The following RORA variants were observed in gnomAD, a reference collection of about 807,000 sequenced individuals.
RORA encodes RAR related orphan receptor A.
In RORA, 7 loss-of-function variants were observed where a neutral mutation model predicts 69.5. That is an observed-to-expected ratio of 0.10 (90% CI 0.06 to 0.19). The LOEUF (loss-of-function observed/expected upper bound fraction) is 0.19. Among genes scored for constraint, RORA ranks in the 10% least tolerant of loss-of-function variants. The probability of loss-of-function intolerance (pLI) is 1.00; values close to 1 mark genes in which losing one functional copy is unlikely to be tolerated. For missense variants in RORA, 457 were observed against 663.0 expected (o/e 0.69, Z 3.41); for synonymous variants, 261 against 240.8 (o/e 1.08, Z -0.78).
chr15:61,049,863 G>A (rs552498683), intron 1 of RORA, among the ~76,000 whole-genome samples: 1 of 152,252 alleles, frequency 6.6e-6, no homozygotes, highest in African/African-American at 2.4e-5. Flanking sequence ...GTTTCACTGT[G>A]TTAGCCAGAA....
At chr15:60,612,783 T>C (rs775460070) in intron 2 of RORA, among the ~76,000 whole-genome samples, 1 of 151,228 alleles carries the variant, frequency 6.6e-6, no homozygotes, top group African/African-American at 2.4e-5. Flanking sequence ...TAATTTTGAC[T>C]AAGTTAAAAA....
At chr15:60,914,431 T>C (rs1891812641) in intron 1 of RORA, among the ~76,000 whole-genome samples, 1 of 152,202 alleles carries the variant, frequency 6.6e-6, no homozygotes, top group Admixed American at 6.5e-5. Context: ...GTCAGATCTA[T>C]AGCCATGACA....
intron 1 of RORA, among the ~76,000 whole-genome samples, chr15:61,060,049 G>GAAGAAGAAA (rs2078160287): frequency 6.7e-6 from 1 of 148,582 alleles, no homozygotes; most frequent in Non-Finnish European, 1.5e-5. Flanking sequence ...AGAAGAAGAA[G>GAAGAAGAAA]AAAGCCTTTC....
chr15:60,666,537 C>A (rs976725788), intron 2 of RORA, among the ~76,000 whole-genome samples: 1 of 151,956 alleles, frequency 6.6e-6, no homozygotes, highest in African/African-American at 2.4e-5. Flanking sequence ...AGCAACTATT[C>A]TGCAATACAT....
chr15:61,110,342 C>T (rs1455102133), intron 1 of RORA, among the ~76,000 whole-genome samples: 1 of 147,298 alleles, frequency 6.8e-6, no homozygotes, highest in African/African-American at 2.5e-5. Flanking sequence ...TTGCAGTGAG[C>T]TGAGATCACA....
intron 2 of RORA, among the ~76,000 whole-genome samples, chr15:60,634,896 G>A (rs921133727): frequency 2.6e-5 from 4 of 152,160 alleles, no homozygotes; most frequent in Non-Finnish European, 5.9e-5. Context: ...CCAGAATGAT[G>A]TCTCACAGAA....
intron 1 of RORA, among the ~76,000 whole-genome samples, chr15:61,150,360 G>T (rs1278909091): frequency 2.0e-5 from 3 of 152,168 alleles, no homozygotes; most frequent in Admixed American, 1.3e-4. Flanking sequence ...GCACTGTAGA[G>T]CCATCATTTG....
chr15:60,880,515 T>C (rs1026947592), intron 1 of RORA, among the ~76,000 whole-genome samples: 4 of 152,166 alleles, frequency 2.6e-5, no homozygotes, highest in African/African-American at 9.7e-5. Context: ...GGTGGGCACC[T>C]GTAATCCTAG....
At chr15:61,195,267 T>A (rs1036513488) in intron 1 of RORA, among the ~76,000 whole-genome samples, 4 of 152,106 alleles carry the variant, frequency 2.6e-5, no homozygotes, top group African/African-American at 9.7e-5. Context: ...GTGAAAGTTA[T>A]GCATTAAACA....
rs201987531 is a variant in RORA at position 60,710,496 on chromosome 15, T to A, written c.167-31810A>T. ...AGAGCGAAACTCCATCTCAAAAAAA[T>A]AAAAAACAGAATTAGTTATATTAAA... On this transcript the variant is annotated intron_variant, in intron 1 of 10. Transcript: ENST00000335670. Among the ~76,000 whole-genome samples, 1,020 of 152,034 alleles carry A rather than the reference T, an allele frequency of 6.7e-3. 31 individuals carry two copies. The East Asian group carries it at 0.088, about 13-fold the overall frequency.
At chr15:60,840,003 G>T (rs1350723801) in intron 1 of RORA, among the ~76,000 whole-genome samples, 1 of 152,166 alleles carries the variant, frequency 6.6e-6, no homozygotes, top group Non-Finnish European at 1.5e-5. Flanking sequence ...CCCTGTTGTG[G>T]GTAGCAGGCA....
intron 1 of RORA, among the ~76,000 whole-genome samples, chr15:60,694,426 G>A (rs1044313200): frequency 5.3e-5 from 8 of 152,144 alleles, no homozygotes; most frequent in African/African-American, 9.7e-5. Context: ...GCCTTGCAGC[G>A]TTAACTCTTT....
chr15:61,143,142 G>T (rs1250067717), intron 1 of RORA, among the ~76,000 whole-genome samples: 1 of 152,098 alleles, frequency 6.6e-6, no homozygotes, highest in Non-Finnish European at 1.5e-5. Context: ...GAAGGCAGAT[G>T]CTTATAAAGC....
Position 61,015,492 on chromosome 15 carries a change from A to G in RORA, c.166+213561T>C, listed in dbSNP as rs577260108. Among the ~76,000 whole-genome samples the G allele has an allele frequency of 2.0e-5, 3 of 152,320 alleles. No homozygotes were observed. The South Asian group carries it at 6.2e-4, about 32-fold the overall frequency. ...AAATACACAAAAAAAAATGTTTGGA[A>G]GAAAGGCCTTTTGCTCACCTGCAAT... On this transcript the variant is annotated intron_variant, in intron 1 of 10. Coordinates refer to ENST00000335670, the MANE Select transcript of RORA (RefSeq NM_134261.3).
intron 1 of RORA, among the ~76,000 whole-genome samples, chr15:60,897,283 T>C (rs72752718): frequency 0.033 from 5,079 of 152,260 alleles, 93 homozygotes; most frequent in African/African-American, 0.056. Context: ...CCCTAACTTA[T>C]TACATATCAG....
At chr15:60,569,022 G>A (rs1274201909) in intron 2 of RORA, among the ~76,000 whole-genome samples, 1 of 151,286 alleles carries the variant, frequency 6.6e-6, no homozygotes, top group African/African-American at 2.4e-5. Context: ...TTTACAAAAG[G>A]CCTTTTTGTG....
At chr15:61,205,166 T>C (rs1430265728) in intron 1 of RORA, among the ~76,000 whole-genome samples, 4 of 152,174 alleles carry the variant, frequency 2.6e-5, no homozygotes, top group Non-Finnish European at 4.4e-5. Context: ...ATGGCTTTTC[T>C]TGTGTGGACA....
intron 1 of RORA, among the ~76,000 whole-genome samples, chr15:60,778,909 T>C (rs1274405569): frequency 6.6e-6 from 1 of 152,158 alleles, no homozygotes; most frequent in Non-Finnish European, 1.5e-5. Context: ...GAGGTTTCCT[T>C]TGAGTTTCAG....
chr15:60,683,928 A>C (rs926509991), intron 1 of RORA, among the ~76,000 whole-genome samples: 5 of 152,188 alleles, frequency 3.3e-5, no homozygotes, highest in African/African-American at 1.2e-4. Context: ...CATGGTTATC[A>C]GTAGGGAAGT....
Sources: allele counts gnomAD v4.1 joint callset (sites outside exome capture counted in the v4.1 genomes callset), GRCh38; gene constraint gnomAD v4.1.1; transcripts MANE v1.5; gene names NCBI Gene and HGNC (gene_info 2026-07-23, HGNC 2026-07-21).